Variants in NR4A3 observed in about 807,000 individuals in gnomAD.
The protein encoded by NR4A3 is chondrosarcoma, extraskeletal myxoid, fused to EWS.
NR4A3 carries 13 observed loss-of-function variants against 55.6 expected under a neutral mutation model. That is an observed-to-expected ratio of 0.23 (90% CI 0.15 to 0.37). The LOEUF (loss-of-function observed/expected upper bound fraction) is 0.37. Ranked by LOEUF, NR4A3 falls within the 10% of genes least tolerant of loss-of-function variation. The pLI, the probability that NR4A3 is intolerant of heterozygous loss-of-function variation, is 1.00. For synonymous variants in NR4A3, 342 were observed against 357.9 expected (o/e 0.96, Z 0.50); for missense variants, 646 against 822.8 (o/e 0.79, Z 2.63).
chr9:99,827,540 T>C (rs1827325457), intron 2 of NR4A3, among the ~76,000 whole-genome samples: 1 of 152,174 alleles, frequency 6.6e-6, no homozygotes, highest in Admixed American at 6.5e-5. Context: ...GTCAACTCTC[T>C]CCCTTGGCCA....
intron 2 of NR4A3, chr9:99,826,756 G>C: frequency 1.2e-6 from 2 of 1,613,566 alleles, no homozygotes; most frequent in Non-Finnish European, 1.7e-6. Flanking sequence ...TTCAAGTCAA[G>C]ATTTCATCCC....
At chr9:99,841,885 G>A (rs892677693) in intron 5 of NR4A3, among the ~76,000 whole-genome samples, 7 of 152,112 alleles carry the variant, frequency 4.6e-5, no homozygotes, top group African/African-American at 7.2e-5. Context: ...TGGGAGGATC[G>A]CCTCAGCTGG....
intron 1 of NR4A3, among the ~76,000 whole-genome samples, chr9:99,824,682 G>T (rs987682753): frequency 5.3e-5 from 8 of 152,224 alleles, no homozygotes; most frequent in African/African-American, 1.7e-4. Context: ...TTTGATTTGG[G>T]GTTTTTCGGT....
chr9:99,864,556 T>C lies in NR4A3; in HGVS notation c.*689T>C, dbSNP rs1017721289. On this transcript the variant is annotated 3_prime_UTR_variant, in exon 8 of 8. Coordinates refer to ENST00000395097, the MANE Select transcript of NR4A3 (RefSeq NM_006981.4). ...TATGGAAATAAAAAGGAGGCAGTCA[T>C]GTTAGCAAATGACACGTTAATATCC... 4.4e-6 allele frequency: 1 copy of C among 227,256 alleles called. No individual in the cohort carries two copies. The highest frequency in any genetic ancestry group is 2.2e-5 in the African/African-American group (1 of 45,010). 14.1% of individuals were successfully genotyped at this position (227,256 alleles called of 1,614,324 possible).
chr9:99,844,581 T>C lies in NR4A3; in HGVS notation c.1255-68T>C, dbSNP rs533608295. ...AGGCATTGATGGTCTTGGAAGGGCC[T>C]GTTTGCAAGTGATGCCATCATCCCC... is the stretch of plus-strand genomic sequence containing the variant. On this transcript the variant is annotated intron_variant, in intron 5 of 7. Transcript: ENST00000395097. 180 of 1,321,806 alleles carry C rather than the reference T, an allele frequency of 1.4e-4. No individual in the cohort carries two copies. The East Asian group carries it at 3.8e-3, about 28-fold the overall frequency. The allele number at this position is 1,321,806 out of a possible 1,614,324, so 81.9% of individuals were successfully genotyped here.
At chr9:99,853,376 G>A (rs1587886545) in intron 7 of NR4A3, among the ~76,000 whole-genome samples, 1 of 105,606 alleles carries the variant, frequency 9.5e-6, no homozygotes, top group African/African-American at 3.8e-5. Flanking sequence ...TGTGCACATT[G>A]TGCAGGTTAG....
In NR4A3 at chr9:99,828,096, G is replaced by A. The variant is rs546710870; in HGVS notation, c.54G>A (p.Ala18=). The part of the protein sequence containing the change: ...YSPSPPGSSY[A]AQTYSSEYTT... ...CTTCCCCTCCAGGTTCCAGTTATGC[G>A]GCGCAGACATACAGCTCGGAATACA... Residue 18 remains alanine, a synonymous_variant, in exon 3 of 8, where the codon GCG becomes GCA. Coordinates refer to ENST00000395097, the MANE Select transcript of NR4A3 (RefSeq NM_006981.4). The surrounding 1 kb of genome is among the most constrained non-coding windows in gnomAD (Gnocchi z 7.7). The A allele has an allele frequency of 3.1e-6, 5 of 1,613,934 alleles. No homozygotes were observed. Among genetic ancestry groups the A allele is most frequent in the South Asian group, 2.2e-5 (2 of 91,090 alleles).
intron 7 of NR4A3, among the ~76,000 whole-genome samples, chr9:99,851,752 T>G (rs1183067748): frequency 2.0e-5 from 3 of 152,218 alleles, no homozygotes; most frequent in Admixed American, 1.3e-4. Context: ...GTGCTGCATC[T>G]CTGAAGTAAT....
chr9:99,846,339 C>T (rs554387550), intron 6 of NR4A3, among the ~76,000 whole-genome samples: 190 of 152,218 alleles, frequency 1.2e-3, no homozygotes, highest in Non-Finnish European at 2.1e-3. Flanking sequence ...TTAATTCCCT[C>T]AACAATCTTA....
intron 3 of NR4A3, among the ~76,000 whole-genome samples, chr9:99,831,305 T>G (rs931701779): frequency 6.6e-6 from 1 of 152,222 alleles, no homozygotes; most frequent in Non-Finnish European, 1.5e-5. Context: ...AACACACGTT[T>G]CCTACCCTTA....
intron 3 of NR4A3, among the ~76,000 whole-genome samples, chr9:99,831,152 T>C (rs1001932866): frequency 6.6e-6 from 1 of 152,156 alleles, no homozygotes; most frequent in African/African-American, 2.4e-5. Flanking sequence ...AACACAAATG[T>C]AGGGAAGGCT....
At position 99,828,621 on chromosome 9, in the gene NR4A3, C is replaced by A. The variant is rs764932304; in HGVS notation, c.579C>A (p.Phe193Leu). The change falls in exon 3 of 8, where the codon TTC becomes TTA. Residue 193 changes from phenylalanine to leucine, a missense_variant. Phe to Leu is a conservative substitution (Grantham distance 22). Around this residue, in one of 5 missense-constraint regions of NR4A3, gnomAD observed 426 missense variants for 429.4 expected, o/e 0.99. Coordinates refer to ENST00000395097, the MANE Select transcript of NR4A3 (RefSeq NM_006981.4). This position sits in a 1 kb window ranked among gnomAD's most constrained non-coding sequence, Gnocchi z 7.7. ...VAGARFPLFH[F>L]KPSPPHPPAP... ...GCGCGCGCTTCCCGCTCTTCCACTTCAAGCCCTCGCCGCCGCATCCCCCCG... is the reference window on the plus strand; with the variant it reads ...GCGCGCGCTTCCCGCTCTTCCACTTAAAGCCCTCGCCGCCGCATCCCCCCG... The A allele has an allele frequency of 4.0e-6, 6 of 1,491,406 alleles. No individual in the cohort carries two copies. The highest frequency in any genetic ancestry group is 4.6e-5 in the Admixed American group (2 of 43,136). The allele number at this position is 1,491,406 out of a possible 1,614,324, so 92.4% of individuals were successfully genotyped here.
At chr9:99,843,262 C>G (rs189815116) in intron 5 of NR4A3, among the ~76,000 whole-genome samples, 1 of 152,342 alleles carries the variant, frequency 6.6e-6, no homozygotes, top group African/African-American at 2.4e-5. Flanking sequence ...CCATTGAACA[C>G]TTGAAATATG....
At chr9:99,833,499 C>T (rs1827489005) in intron 5 of NR4A3, 45 bp downstream of exon 5, 2 of 1,613,876 alleles carry the variant, frequency 1.2e-6, no homozygotes, top group Non-Finnish European at 1.7e-6. Flanking sequence ...ATCAGGGTCT[C>T]TATTTATGGC....
At chr9:99,852,767 G>A (rs1201246998) in intron 7 of NR4A3, among the ~76,000 whole-genome samples, 1 of 152,076 alleles carries the variant, frequency 6.6e-6, no homozygotes. Flanking sequence ...GAGGAAGGAG[G>A]GCAGAACCAT....
chr9:99,842,267 A>C (rs548392639), intron 5 of NR4A3, among the ~76,000 whole-genome samples: 1 of 152,162 alleles, frequency 6.6e-6, no homozygotes, highest in Non-Finnish European at 1.5e-5. Flanking sequence ...CCAGGTTAGG[A>C]TATTACAGCA....
In NR4A3 at chr9:99,866,256, C is replaced by T; in HGVS notation, c.*2389C>T. ...ATTAGAAATACTGTGCATACATAAC[C>T]TTCTTGTGCACCATGAGTATTTGGA... On this transcript the variant is annotated 3_prime_UTR_variant, in exon 8 of 8. Transcript: ENST00000395097. 4.5e-6 allele frequency: 1 copy of T among 220,416 alleles called. No homozygotes were observed. Among genetic ancestry groups the T allele is most frequent in the East Asian group, 6.7e-5 (1 of 14,980 alleles). The allele number at this position is 220,416 out of a possible 1,614,324, so 13.7% of individuals were successfully genotyped here. A position where few individuals can be genotyped will look rare whatever the true frequency, so the allele number is the denominator to read the frequency against.
rs1828051443 is a variant in NR4A3 at position 99,864,014 on chromosome 9, T to C, written c.*147T>C. On this transcript the variant is annotated 3_prime_UTR_variant, in exon 8 of 8. Coordinates refer to ENST00000395097, the MANE Select transcript of NR4A3 (RefSeq NM_006981.4). ...GAAAGCAAAGACTTTCTTTTTTTTC[T>C]GGCTCTTTTCCTTACAACCTAAAGC... 1.1e-6 allele frequency: 1 copy of C among 932,980 alleles called. No individual in the cohort carries two copies. Among genetic ancestry groups the C allele is most frequent in the South Asian group, 1.8e-5 (1 of 56,920 alleles). 57.8% of individuals were successfully genotyped at this position (932,980 alleles called of 1,614,324 possible). A position where few individuals can be genotyped will look rare whatever the true frequency, so the allele number is the denominator to read the frequency against.
chr9:99,838,642 G>T (rs1382366996), intron 5 of NR4A3, among the ~76,000 whole-genome samples: 1 of 152,140 alleles, frequency 6.6e-6, no homozygotes, highest in Non-Finnish European at 1.5e-5. Flanking sequence ...AACTGCTATA[G>T]TTCCACTATG....
Sources: gnomAD v4.1 joint callset for allele counts (sites outside exome capture counted in the v4.1 genomes callset) on GRCh38, gnomAD v4.1.1 for gene constraint, gnomAD v4.1.1 regional missense constraint, Gnocchi (gnomAD v3.1) non-coding constraint, MANE v1.5 for transcripts, NCBI Gene and HGNC (gene_info 2026-07-23, HGNC 2026-07-21) for gene names.